Variants in PDE4D observed in about 807,000 individuals in gnomAD.
The protein encoded by PDE4D is 3',5'-cyclic-AMP phosphodiesterase 4D.
In PDE4D, 24 loss-of-function variants were observed where a neutral mutation model predicts 87.4. That is an observed-to-expected ratio of 0.27 (90% CI 0.20 to 0.39). The LOEUF is 0.39. Ranked by LOEUF, PDE4D falls within the 10% of genes least tolerant of loss-of-function variation. The probability of loss-of-function intolerance (pLI) is 1.00; values close to 1 mark genes in which losing one functional copy is unlikely to be tolerated. For missense variants in PDE4D, 714 were observed against 1,041.0 expected, an observed-to-expected ratio of 0.69 and a Z score of 4.32; for synonymous variants, 384 against 383.2, an observed-to-expected ratio of 1.00 and a Z score of -0.02.
At chr5:60,517,332 G>T (rs2150262200) in intron 1 of PDE4D, among the ~76,000 whole-genome samples, 1 of 152,336 alleles carries the variant, frequency 6.6e-6, no homozygotes, top group Non-Finnish European at 1.5e-5. Context: ...GCGGGAGGCA[G>T]ACGGACTCCT....
intron 1 of PDE4D, among the ~76,000 whole-genome samples, chr5:60,412,417 T>C (rs373912236): frequency 2.0e-5 from 3 of 152,166 alleles, no homozygotes; most frequent in Non-Finnish European, 2.9e-5. Flanking sequence ...CTGGAGGTAT[T>C]TGGGCAGTCT....
chr5:59,574,113 TATATAAATATATA>T (rs1822596487), intron 1 of PDE4D, among the ~76,000 whole-genome samples: 1 of 4,976 alleles, frequency 2.0e-4, no homozygotes, highest in African/African-American at 5.1e-4. Flanking sequence ...TTTATATATA[TATATAAATATATA>T]TTTATATATA....
intron 5 of PDE4D, among the ~76,000 whole-genome samples, chr5:59,129,631 C>T (rs1323411613): frequency 6.6e-6 from 1 of 152,128 alleles, no homozygotes; most frequent in Non-Finnish European, 1.5e-5. Context: ...GTTACTTTTT[C>T]CCTATCCCCA....
chr5:59,017,831 GA>G (rs1158403876), intron 6 of PDE4D, among the ~76,000 whole-genome samples: 3 of 152,164 alleles, frequency 2.0e-5, no homozygotes, highest in Admixed American at 1.3e-4. Flanking sequence ...AGACTTTACT[GA>G]AGGCAATAAT....
At chr5:59,804,093 A>G (rs1167746215) in intron 1 of PDE4D, among the ~76,000 whole-genome samples, 2 of 152,126 alleles carry the variant, frequency 1.3e-5, no homozygotes, top group Non-Finnish European at 2.9e-5. Flanking sequence ...CACATTCATT[A>G]GTGGTGATTT....
intron 1 of PDE4D, among the ~76,000 whole-genome samples, chr5:59,591,006 A>G (rs959224440): frequency 3.9e-5 from 6 of 152,252 alleles, no homozygotes; most frequent in South Asian, 2.1e-4. Context: ...TGGGAACCCT[A>G]TGGTTTTTCA....
intron 1 of PDE4D, among the ~76,000 whole-genome samples, chr5:59,417,379 C>T (rs1034874892): frequency 6.6e-6 from 1 of 152,014 alleles, no homozygotes; most frequent in African/African-American, 2.4e-5. Context: ...CAATAAAATA[C>T]CCAAGCTCCT....
intron 1 of PDE4D, among the ~76,000 whole-genome samples, chr5:59,301,284 CTG>C (rs961223384): frequency 1.2e-4 from 19 of 152,104 alleles, no homozygotes; most frequent in African/African-American, 4.6e-4. Flanking sequence ...TAACAAAAGA[CTG>C]TAACAAGGGC....
intron 1 of PDE4D, among the ~76,000 whole-genome samples, chr5:60,322,704 C>G (rs928952543): frequency 3.3e-5 from 5 of 152,136 alleles, no homozygotes; most frequent in African/African-American, 1.2e-4. Flanking sequence ...GGCTTTTAAG[C>G]ATACTCAAGT....
At chr5:59,149,412 T>G (rs1779133967) in intron 5 of PDE4D, among the ~76,000 whole-genome samples, 1 of 152,134 alleles carries the variant, frequency 6.6e-6, no homozygotes, top group Non-Finnish European at 1.5e-5. Flanking sequence ...GCACACCACA[T>G]TGCTGTATCC....
rs192644692 is a variant in PDE4D, at chr5:58,975,026, C to T, written c.2068G>A (p.Val690Ile). 5.0e-6 allele frequency: 8 copies of T among 1,599,344 alleles called. No homozygotes were observed. Among genetic ancestry groups the T allele is most frequent in the African/African-American group, 1.3e-5 (1 of 74,732 alleles). The change falls in exon 15 of 15, where the codon GTC becomes ATC. Residue 690 changes from valine (V) to isoleucine (I), a missense_variant. Val to Ile is a conservative substitution (Grantham distance 29). Transcript: ENST00000340635. This position sits in a 1 kb window ranked among gnomAD's most constrained non-coding sequence, Gnocchi z 4.2. ...HPLWETWADL[V>I]HPDAQDILDT... ...AAAATATCCTGGGCGTCAGGGTGGA[C>T]GAGGTCTGCCCATGTCTCCCAGAGG...
chr5:59,879,036 T>A (rs1749048370), intron 1 of PDE4D, among the ~76,000 whole-genome samples: 1 of 151,796 alleles, frequency 6.6e-6, no homozygotes, highest in African/African-American at 2.4e-5. Context: ...ATAGCTGGGA[T>A]TACAGGTGCC....
intron 1 of PDE4D, among the ~76,000 whole-genome samples, chr5:59,513,661 A>T (rs1810655241): frequency 6.6e-6 from 1 of 152,212 alleles, no homozygotes; most frequent in South Asian, 2.1e-4. Flanking sequence ...TTGAATTGTT[A>T]AAGTAAAATG....
At chr5:60,185,820 C>A in intron 1 of PDE4D, 15 of 308,724 alleles carry the variant, frequency 4.9e-5, no homozygotes, top group Middle Eastern at 6.8e-4. Flanking sequence ...GTGTTTAAAG[C>A]AATAAAAAAG....
intron 5 of PDE4D, among the ~76,000 whole-genome samples, chr5:59,097,044 G>A (rs892776954): frequency 9.9e-5 from 15 of 152,074 alleles, no homozygotes; most frequent in Non-Finnish European, 2.1e-4. Context: ...ATCAGTGAGG[G>A]GCATTATGTG....
At chr5:60,501,629 T>C (rs1305118589) in intron 1 of PDE4D, among the ~76,000 whole-genome samples, 3 of 151,348 alleles carry the variant, frequency 2.0e-5, no homozygotes, top group Non-Finnish European at 3.0e-5. Context: ...AGTGTAAAAG[T>C]GTTCCTATTT....
intron 1 of PDE4D, among the ~76,000 whole-genome samples, chr5:59,667,238 T>TG (rs1458078219): frequency 2.0e-5 from 3 of 152,038 alleles, no homozygotes; most frequent in Admixed American, 6.6e-5. Flanking sequence ...AATTTTTTTT[T>TG]GGGGGGGAGG....
At chr5:59,740,147 T>A (rs1173974025) in intron 1 of PDE4D, among the ~76,000 whole-genome samples, 1 of 152,192 alleles carries the variant, frequency 6.6e-6, no homozygotes, top group African/African-American at 2.4e-5. Flanking sequence ...AATAAATTCA[T>A]CTATAAATCA....
intron 5 of PDE4D, among the ~76,000 whole-genome samples, chr5:59,115,956 C>G (rs1773537033): frequency 6.6e-6 from 1 of 151,940 alleles, no homozygotes; most frequent in Non-Finnish European, 1.5e-5. Flanking sequence ...GTTTAGATCC[C>G]CAACAATGTA....
Sources: allele counts gnomAD v4.1 joint callset (sites outside exome capture counted in the v4.1 genomes callset), GRCh38; gene constraint gnomAD v4.1.1; non-coding constraint Gnocchi (gnomAD v3.1); transcripts MANE v1.5; gene names NCBI Gene and HGNC (gene_info 2026-07-23, HGNC 2026-07-21).